BIRC6: variants seen among roughly 807,000 people sequenced by gnomAD.
BIRC6 encodes the protein baculoviral IAP repeat containing 6.
In BIRC6, 98 loss-of-function variants were observed where a neutral mutation model predicts 503.3. That is an observed-to-expected ratio of 0.19 (90% CI 0.17 to 0.23). The LOEUF is 0.23. Ranked by LOEUF, BIRC6 falls within the 10% of genes least tolerant of loss-of-function variation. The pLI is 1.00. For missense variants in BIRC6, 5,360 were observed against 5,806.0 expected (o/e 0.92, Z 2.50); for synonymous variants, 2,240 against 2,078.7 (o/e 1.08, Z -2.11).
intron 3 of BIRC6, among the ~76,000 whole-genome samples, chr2:32,384,589 C>T (rs2038173100): frequency 6.6e-6 from 1 of 152,126 alleles, no homozygotes; most frequent in Non-Finnish European, 1.5e-5. Context: ...CCCGTATAAT[C>T]AACCTACTGT....
intron 9 of BIRC6, among the ~76,000 whole-genome samples, chr2:32,410,481 A>C (rs1440490114): frequency 6.6e-6 from 1 of 152,198 alleles, no homozygotes; most frequent in Non-Finnish European, 1.5e-5. Flanking sequence ...TTATACTGAA[A>C]ATTTTTTTCT....
At position 32,415,708 on chromosome 2, in the gene BIRC6, A is replaced by T; in HGVS notation, c.2417A>T (p.Asp806Val). ...GTAATCCAACATGAATCACCAGCAG[A>T]TGTACAGACTCCTTTAATAATTCAG... ...ISVIQHESPA[D>V]VQTPLIIQPE... The change falls in exon 10 of 74, where the codon GAT becomes GTT. Residue 806 changes from aspartate to valine, a missense_variant. Asp to Val is a radical substitution (Grantham distance 152). This residue lies in a region of BIRC6 where 700 missense variants were observed against 739.3 expected (regional missense o/e 0.95). Transcript: ENST00000421745. 3 of 1,613,902 alleles carry T rather than the reference A, an allele frequency of 1.9e-6. No individual in the cohort carries two copies. The highest frequency in any genetic ancestry group is 2.5e-6 in the Non-Finnish European group (3 of 1,179,870).
chr2:32,550,467 C>G (rs1443206462), intron 65 of BIRC6, among the ~76,000 whole-genome samples: 1 of 152,032 alleles, frequency 6.6e-6, no homozygotes, highest in African/African-American at 2.4e-5. Flanking sequence ...TTTAGATTGA[C>G]CTGTTTGATA....
intron 59 of BIRC6, chr2:32,526,760 AAC>A (rs1277911383): frequency 6.4e-6 from 1 of 157,330 alleles, no homozygotes; most frequent in African/African-American, 2.4e-5. Context: ...TGAAACAAGT[AAC>A]GATCTATCAT....
chr2:32,447,672 T>C (rs1574277718), intron 21 of BIRC6, among the ~76,000 whole-genome samples: 3 of 91,676 alleles, frequency 3.3e-5, no homozygotes, highest in African/African-American at 4.4e-5. Context: ...CCCTCCCCCC[T>C]CCCGGACTGG....
intron 22 of BIRC6, among the ~76,000 whole-genome samples, chr2:32,450,125 G>A (rs1488206746): frequency 6.6e-6 from 1 of 152,182 alleles, no homozygotes; most frequent in Non-Finnish European, 1.5e-5. Context: ...TTCATTCCAA[G>A]CTCTGAGGTC....
At chr2:32,407,162 T>C (rs1259905379) in intron 9 of BIRC6, among the ~76,000 whole-genome samples, 2 of 151,984 alleles carry the variant, frequency 1.3e-5, no homozygotes, top group Non-Finnish European at 2.9e-5. Flanking sequence ...TTTTAAGAAT[T>C]AGGCCAGGCT....
At chr2:32,420,552 C>T (rs1298489616) in intron 10 of BIRC6, among the ~76,000 whole-genome samples, 1 of 151,946 alleles carries the variant, frequency 6.6e-6, no homozygotes, top group Non-Finnish European at 1.5e-5. Context: ...CTTGCTTTGT[C>T]ACCCAGGCTG....
At chr2:32,604,171 C>A (rs2151584796) in intron 71 of BIRC6, among the ~76,000 whole-genome samples, 1 of 152,130 alleles carries the variant, frequency 6.6e-6, no homozygotes, top group African/African-American at 2.4e-5. Flanking sequence ...AGATCTTATG[C>A]CCCTTTTACA....
At chr2:32,501,977 A>G (rs763690933) in intron 47 of BIRC6, 89 bp downstream of exon 47, 253 of 1,236,092 alleles carry the variant, frequency 2.0e-4, no homozygotes, top group Non-Finnish European at 2.7e-4. Context: ...AAATAAGTAT[A>G]TTTATTATAT....
At chr2:32,383,581 G>A (rs1233511054) in intron 3 of BIRC6, among the ~76,000 whole-genome samples, 1 of 151,978 alleles carries the variant, frequency 6.6e-6, no homozygotes, top group East Asian at 1.9e-4. Flanking sequence ...TTGTCACCCA[G>A]GCTGGAGTGC....
In BIRC6 at chr2:32,603,687, A is replaced by G. The variant is rs547322115; in HGVS notation, c.14070+604A>G. On this transcript the variant is annotated intron_variant, in intron 71 of 73. Coordinates refer to ENST00000421745, the MANE Select transcript of BIRC6 (RefSeq NM_016252.4). ...TGCAGTGAGCCGAGATCACGGCACT[A>G]CACTCTAGCCTGGGTGACAGAGGGA... is the stretch of plus-strand genomic sequence containing the variant. Among the ~76,000 whole-genome samples the G allele has an allele frequency of 1.5e-4, 23 of 152,184 alleles. No homozygotes were observed. The East Asian group carries it at 2.7e-3, about 18-fold the overall frequency.
At chr2:32,372,545 C>G (rs2036134507) in intron 1 of BIRC6, among the ~76,000 whole-genome samples, 1 of 152,042 alleles carries the variant, frequency 6.6e-6, no homozygotes, top group Non-Finnish European at 1.5e-5. Context: ...GCCAGTCACT[C>G]TTTGAAATAT....
Position 32,509,967 on chromosome 2 carries a change from T to C in BIRC6, c.10210T>C (p.Cys3404Arg). Residue 3404 changes from cysteine to arginine, a missense_variant, in exon 52 of 74, where the codon TGT becomes CGT. By Grantham distance (180) the Cys-to-Arg change is radical (BLOSUM62 -3). This residue lies in a region of BIRC6 where 878 missense variants were observed against 928.9 expected (regional missense o/e 0.95). Transcript: ENST00000421745. ...GCTCATAGACATTCTCCTGAGAAAT[T>C]GTGCAGCATCAGGCAGTGATCCTAC... ...LKLIDILLRNCAASGSDPTDL... is the reference protein window; with the variant it reads ...LKLIDILLRNRAASGSDPTDL... The C allele has an allele frequency of 1.9e-6, 3 of 1,614,008 alleles. No individual in the cohort carries two copies. Among genetic ancestry groups the C allele is most frequent in the Non-Finnish European group, 2.5e-6 (3 of 1,179,876 alleles).
At position 32,407,301 on chromosome 2, in the gene BIRC6, A is replaced by T. The variant is rs7605185; in HGVS notation, c.1477+744A>T. Among the ~76,000 whole-genome samples, 272 of 152,206 alleles carry T rather than the reference A, an allele frequency of 1.8e-3. 2 individuals carry two copies. The highest frequency in any genetic ancestry group is 6.4e-3 in the African/African-American group (264 of 41,538). On this transcript the variant is annotated intron_variant, in intron 9 of 73. Coordinates refer to ENST00000421745, the MANE Select transcript of BIRC6 (RefSeq NM_016252.4). ...TTTCTACTAAAAATAAAAAACAATTAGCCAGGCGTGGTGGCGCATGCCTAT... is the reference window on the plus strand; with the variant it reads ...TTTCTACTAAAAATAAAAAACAATTTGCCAGGCGTGGTGGCGCATGCCTAT...
rs2043923814 is a variant in BIRC6, at chr2:32,430,028, A to G, written c.3022+733A>G. Among the ~76,000 whole-genome samples, 3 of 152,314 alleles carry G rather than the reference A, an allele frequency of 2.0e-5. No individual in the cohort carries two copies. The South Asian group carries it at 6.2e-4, about 32-fold the overall frequency. ...ATGAAGAAATAAATAATGGAAAGAA[A>G]GAAGATTGACATGCTGTTAATATTT... On this transcript the variant is annotated intron_variant, in intron 11 of 73. Transcript: ENST00000421745.
intron 29 of BIRC6, 68 bp from the exon 30 acceptor site, chr2:32,469,327 G>A: frequency 8.9e-7 from 1 of 1,124,686 alleles, no homozygotes; most frequent in Non-Finnish European, 1.3e-6. Context: ...GTGTATTTAG[G>A]CATGCGTATT....
chr2:32,401,665 G>A (rs1342149497), intron 8 of BIRC6, 42 bp downstream of exon 8: 1 of 1,526,510 alleles, frequency 6.6e-7, no homozygotes, highest in African/African-American at 1.4e-5. Flanking sequence ...GATGTTACAT[G>A]TTTTCCTAAA....
intron 61 of BIRC6, 76 bp downstream of exon 61, chr2:32,531,627 T>G: frequency 7.9e-7 from 1 of 1,266,056 alleles, no homozygotes; most frequent in East Asian, 2.5e-5. Context: ...TGTTTTTTAA[T>G]GTACTTGGAT....
Sources: gnomAD v4.1 joint callset for allele counts (sites outside exome capture counted in the v4.1 genomes callset) on GRCh38, gnomAD v4.1.1 for gene constraint, gnomAD v4.1.1 regional missense constraint, MANE v1.5 for transcripts, NCBI Gene and HGNC (gene_info 2026-07-23, HGNC 2026-07-21) for gene names.